Variants in MALRD1 observed in about 807,000 individuals in gnomAD.
MALRD1 encodes the protein MAM and LDL-receptor class A domain-containing protein 1.
In MALRD1, 247 loss-of-function variants were observed where a neutral mutation model predicts 242.1. The observed-to-expected ratio is 1.02, with a 90% CI of 0.92 to 1.13. MALRD1 has a LOEUF of 1.13. MALRD1 is among the 50% of genes most tolerant of loss of function. The pLI is 0.00. For synonymous variants in MALRD1, 995 were observed against 866.6 expected (o/e 1.15, Z -2.60); for missense variants, 2,989 against 2,533.1 (o/e 1.18, Z -3.86).
At position 19,238,498 on chromosome 10, in the gene MALRD1, A is replaced by AATATAATATATAATGTACATTAT. The variant is rs71487485; in HGVS notation, c.2992-19169_2992-19168insCATTATATATAATATATAATGTA. Among the ~76,000 whole-genome samples, 254 of 7,116 alleles carry AATATAATATATAATGTACATTAT rather than the reference A, an allele frequency of 0.036. 25 individuals are homozygous for AATATAATATATAATGTACATTAT. The East Asian group carries it at 0.37, about 10-fold the overall frequency. 4.7% of individuals were successfully genotyped at this position (7,116 alleles called of 152,430 possible). A position where few individuals can be genotyped will look rare whatever the true frequency, so the allele number is the denominator to read the frequency against. ...ATAATATACATTATATATAATATAT[A>AATATAATATATAATGTACATTAT]ATATAATATATAATGTATATTATAT... On this transcript the variant is annotated intron_variant, in intron 18 of 39. Coordinates refer to ENST00000454679, the MANE Select transcript of MALRD1 (RefSeq NM_001142308.3).
Position 19,571,361 on chromosome 10 carries a change from T to G in MALRD1, c.5680+3658T>G, listed in dbSNP as rs1277472600. ...AGCCAACGAAGTCAGACAGAATTTT[T>G]AGATGTTCAAGAAGGAAAAAAAAAA... On this transcript the variant is annotated intron_variant, in intron 33 of 39. Coordinates refer to ENST00000454679, the MANE Select transcript of MALRD1 (RefSeq NM_001142308.3). Among the ~76,000 whole-genome samples the G allele has an allele frequency of 2.6e-5, 4 of 152,120 alleles. No individual in the cohort carries two copies. In the East Asian group the frequency reaches 7.7e-4, roughly 29 times the overall value.
intron 8 of MALRD1, among the ~76,000 whole-genome samples, chr10:19,129,924 G>T (rs1237213629): frequency 6.8e-6 from 1 of 147,936 alleles, no homozygotes; most frequent in Non-Finnish European, 1.5e-5. Flanking sequence ...CATATCTGTA[G>T]ATATGTGGAT....
At chr10:19,425,443 C>CGT (rs200160145) in intron 28 of MALRD1, among the ~76,000 whole-genome samples, 3 of 151,974 alleles carry the variant, frequency 2.0e-5, no homozygotes, top group Non-Finnish European at 2.9e-5. Context: ...GAAGTATATA[C>CGT]GTGTGTGTGT....
At chr10:19,589,151 C>T (rs1308517783) in intron 33 of MALRD1, among the ~76,000 whole-genome samples, 4 of 151,942 alleles carry the variant, frequency 2.6e-5, no homozygotes, top group Non-Finnish European at 4.4e-5. Context: ...CAGACTGAAA[C>T]ATAGGTTCTA....
At chr10:19,062,214 A>G (rs1834843428) in intron 1 of MALRD1, among the ~76,000 whole-genome samples, 1 of 152,192 alleles carries the variant, frequency 6.6e-6, no homozygotes, top group African/African-American at 2.4e-5. Context: ...AAAAACCACA[A>G]TGAGATACCA....
chr10:19,321,871 T>C (rs1203817769), intron 21 of MALRD1, among the ~76,000 whole-genome samples: 2 of 152,122 alleles, frequency 1.3e-5, no homozygotes, highest in Non-Finnish European at 2.9e-5. Flanking sequence ...CCAATCTCCA[T>C]TAAAAAAATT....
chr10:19,212,275 GCTTT>G (rs1205742672), intron 18 of MALRD1, among the ~76,000 whole-genome samples: 7 of 152,074 alleles, frequency 4.6e-5, no homozygotes, highest in African/African-American at 1.7e-4. Flanking sequence ...CCACCGAACT[GCTTT>G]CTGTCACTGG....
At chr10:19,591,134 C>T (rs1426478198) in intron 33 of MALRD1, among the ~76,000 whole-genome samples, 1 of 152,160 alleles carries the variant, frequency 6.6e-6, no homozygotes, top group Non-Finnish European at 1.5e-5. Flanking sequence ...TCTAGAATGT[C>T]ATATAGTCAA....
chr10:19,331,583 G>C lies in MALRD1; in HGVS notation c.3901+1G>C. The stretch of plus-strand genomic sequence containing the variant: ...TCAGATGAGACTACTTTCATTTGCC[G>C]TAAGTAAAAGGGTTCTGTTTTCTTA... On this transcript the variant is annotated splice_donor_variant, in intron 24 of 39. Transcript: ENST00000454679. LOFTEE classifies it high-confidence loss of function. The C allele has an allele frequency of 1.3e-6, 2 of 1,549,122 alleles. No homozygotes were observed. Among genetic ancestry groups the C allele is most frequent in the Non-Finnish European group, 1.7e-6 (2 of 1,145,940 alleles).
intron 4 of MALRD1, among the ~76,000 whole-genome samples, chr10:19,094,705 A>C (rs1471119145): frequency 6.6e-6 from 1 of 152,204 alleles, no homozygotes; most frequent in Non-Finnish European, 1.5e-5. Flanking sequence ...GAGGAAGGAG[A>C]CTGTTTAAAT....
chr10:19,697,796 T>G (rs188540237), intron 38 of MALRD1, among the ~76,000 whole-genome samples: 253 of 152,286 alleles, frequency 1.7e-3, no homozygotes, highest in African/African-American at 5.8e-3. Context: ...CTTACCTTCT[T>G]TCTTTGCCAG....
At chr10:19,489,229 T>C (rs10827496) in intron 29 of MALRD1, 152,941 of 475,414 alleles carry the variant, frequency 0.32, 27,089 homozygotes, top group Admixed American at 0.44. Flanking sequence ...CAGCGAAGGA[T>C]ACATCTTAAG....
chr10:19,184,127 C>G (rs12354862), intron 14 of MALRD1, among the ~76,000 whole-genome samples: 15,407 of 152,186 alleles, frequency 0.1, 827 homozygotes, highest in East Asian at 0.18. Flanking sequence ...AGCGAAATTA[C>G]AGTGTATCAG....
At position 19,319,072 on chromosome 10, in the gene MALRD1, G is replaced by A. The variant is rs139078779; in HGVS notation, c.3420-4877G>A. On this transcript the variant is annotated intron_variant, in intron 21 of 39. Coordinates refer to ENST00000454679, the MANE Select transcript of MALRD1 (RefSeq NM_001142308.3). ...AATAAATGTTATATTCATTTAACGT[G>A]ATACAAATGTTCTCTCCCATTGACT... is the stretch of plus-strand genomic sequence containing the variant. 1.3e-3 allele frequency among the ~76,000 whole-genome samples: 202 copies of A among 151,978 alleles called. 3 individuals are homozygous for A. In the East Asian group the frequency reaches 0.035, roughly 27 times the overall value.
At chr10:19,186,578 AG>A (rs1040711098) in intron 14 of MALRD1, among the ~76,000 whole-genome samples, 19 of 152,220 alleles carry the variant, frequency 1.2e-4, no homozygotes, top group African/African-American at 4.1e-4. Flanking sequence ...GAATAAAAGC[AG>A]GCATTTAACA....
chr10:19,266,139 T>C lies in MALRD1; in HGVS notation c.3079+8368T>C, dbSNP rs180959427. Among the ~76,000 whole-genome samples, 45 of 127,866 alleles carry C rather than the reference T, an allele frequency of 3.5e-4. No individual in the cohort carries two copies. In the East Asian group the frequency reaches 0.011, roughly 30 times the overall value. The allele number at this position is 127,866 out of a possible 152,430, so 83.9% of individuals were successfully genotyped here. A position where few individuals can be genotyped will look rare whatever the true frequency, so the allele number is the denominator to read the frequency against. Reference sequence around the variant, plus strand: ...TGAGACTCTTGTATGCAGCACATTATTGGATATTGTTTTTTTTTTATCTGT... The same window carrying C: ...TGAGACTCTTGTATGCAGCACATTACTGGATATTGTTTTTTTTTTATCTGT... On this transcript the variant is annotated intron_variant, in intron 19 of 39. Transcript: ENST00000454679.
intron 14 of MALRD1, among the ~76,000 whole-genome samples, chr10:19,184,911 TAAAC>T (rs1835671789): frequency 6.6e-6 from 1 of 152,208 alleles, no homozygotes; most frequent in Non-Finnish European, 1.5e-5. Flanking sequence ...ATTATGCTAA[TAAAC>T]AATCATATCA....
chr10:19,079,437 G>T (rs1313721907), intron 2 of MALRD1, among the ~76,000 whole-genome samples: 2 of 151,838 alleles, frequency 1.3e-5, no homozygotes, highest in Non-Finnish European at 2.9e-5. Context: ...TAGTTTAGAA[G>T]CATGTGCATT....
chr10:19,308,948 G>GT (rs1292251516), intron 21 of MALRD1, among the ~76,000 whole-genome samples: 1 of 151,492 alleles, frequency 6.6e-6, no homozygotes, highest in East Asian at 1.9e-4. Context: ...TATTGAGTAT[G>GT]TTTCTGTTTG....
Sources: gnomAD v4.1 joint callset for allele counts (sites outside exome capture counted in the v4.1 genomes callset) on GRCh38, gnomAD v4.1.1 for gene constraint, MANE v1.5 for transcripts, NCBI Gene and HGNC (gene_info 2026-07-23, HGNC 2026-07-21) for gene names.